Variants in LRRC7 observed in about 807,000 individuals in gnomAD.
The protein encoded by LRRC7 is leucine rich repeat containing 7.
In LRRC7, 23 loss-of-function variants were observed where a neutral mutation model predicts 175.7. That is an observed-to-expected ratio of 0.13 (90% CI 0.09 to 0.19). The LOEUF (loss-of-function observed/expected upper bound fraction) is 0.19, where lower values mean the gene tolerates loss of function less well. Ranked by LOEUF, LRRC7 falls within the 10% of genes least tolerant of loss-of-function variation. The pLI, the probability that LRRC7 is intolerant of heterozygous loss-of-function variation, is 1.00. For missense variants in LRRC7, 1,354 were observed against 1,904.7 expected, an observed-to-expected ratio of 0.71 and a Z score of 5.38; for synonymous variants, 685 against 680.9, an observed-to-expected ratio of 1.01 and a Z score of -0.09.
intron 8 of LRRC7, among the ~76,000 whole-genome samples, chr1:69,972,462 G>A (rs1211196039): frequency 1.3e-5 from 2 of 152,106 alleles, no homozygotes; most frequent in Non-Finnish European, 2.9e-5. Flanking sequence ...CTAAGGACAT[G>A]AATAGACAAT....
chr1:69,935,712 C>T (rs958197786), intron 8 of LRRC7, among the ~76,000 whole-genome samples: 12 of 152,112 alleles, frequency 7.9e-5, no homozygotes, highest in African/African-American at 2.9e-4. Flanking sequence ...ATATATTTCA[C>T]ATACTAATCC....
intron 23 of LRRC7, among the ~76,000 whole-genome samples, chr1:70,067,518 G>A (rs1173189954): frequency 6.6e-6 from 1 of 151,954 alleles, no homozygotes; most frequent in African/African-American, 2.4e-5. Context: ...GTAACACATG[G>A]TCTTTCTTGA....
At chr1:70,005,063 A>G (rs1256597669) in intron 11 of LRRC7, among the ~76,000 whole-genome samples, 1 of 151,930 alleles carries the variant, frequency 6.6e-6, no homozygotes, top group Non-Finnish European at 1.5e-5. Context: ...GTAACAGACC[A>G]CTTTAATGGG....
At chr1:69,575,997 TGA>T in intron 1 of LRRC7, among the ~76,000 whole-genome samples, 1 of 152,066 alleles carries the variant, frequency 6.6e-6, no homozygotes, top group East Asian at 1.9e-4. Context: ...TTTGGGAGGT[TGA>T]GGTGGGGTGA....
chr1:69,774,534 C>T (rs1672601849), intron 3 of LRRC7, among the ~76,000 whole-genome samples: 1 of 152,172 alleles, frequency 6.6e-6, no homozygotes, highest in Admixed American at 6.5e-5. Context: ...ATTTTAGCTA[C>T]TCTTGCCACA....
intron 2 of LRRC7, among the ~76,000 whole-genome samples, chr1:69,744,645 T>C (rs913602188): frequency 1.3e-5 from 2 of 151,834 alleles, no homozygotes; most frequent in Non-Finnish European, 2.9e-5. Flanking sequence ...TGCTAAGGAA[T>C]TATTTGGTGT....
intron 24 of LRRC7, among the ~76,000 whole-genome samples, chr1:70,085,820 ATC>A (rs1663566115): frequency 6.6e-6 from 1 of 152,148 alleles, no homozygotes; most frequent in South Asian, 2.1e-4. Flanking sequence ...TTTGCTATCT[ATC>A]TTCCTCATTA....
At chr1:69,699,119 T>C (rs1263620126) in intron 2 of LRRC7, among the ~76,000 whole-genome samples, 1 of 152,188 alleles carries the variant, frequency 6.6e-6, no homozygotes, top group Non-Finnish European at 1.5e-5. Context: ...AGTGTGGCGA[T>C]GCCCCTTGAG....
chr1:69,823,231 CTA>C (rs1437829278), intron 4 of LRRC7, among the ~76,000 whole-genome samples: 1 of 152,120 alleles, frequency 6.6e-6, no homozygotes, highest in Non-Finnish European at 1.5e-5. Flanking sequence ...TTCGTATTTT[CTA>C]TCTTTTGTGT....
chr1:69,756,370 A>C (rs1670427052), intron 2 of LRRC7, among the ~76,000 whole-genome samples: 1 of 151,920 alleles, frequency 6.6e-6, no homozygotes, highest in Non-Finnish European at 1.5e-5. Flanking sequence ...ATTAAATAAT[A>C]ATAACAAAAA....
At chr1:69,788,404 A>G (rs75526649) in intron 3 of LRRC7, among the ~76,000 whole-genome samples, 4,761 of 152,288 alleles carry the variant, frequency 0.031, 249 homozygotes, top group African/African-American at 0.11. Context: ...TATTTAGTTC[A>G]CCATACTTCT....
At chr1:69,770,554 A>T (rs1194587272) in intron 3 of LRRC7, among the ~76,000 whole-genome samples, 1 of 152,190 alleles carries the variant, frequency 6.6e-6, no homozygotes, top group African/African-American at 2.4e-5. Flanking sequence ...AATCTTTTGA[A>T]ATGAAAAAAC....
chr1:70,129,669 A>G lies in LRRC7; in HGVS notation c.*7782A>G, dbSNP rs1219637442. ...ACTCCGAAATGCAAGGAGTTGAACAATCATTCAGCTGGCTGCATTTCATGT... is the reference window on the plus strand; with the variant it reads ...ACTCCGAAATGCAAGGAGTTGAACAGTCATTCAGCTGGCTGCATTTCATGT... On this transcript the variant is annotated 3_prime_UTR_variant, in exon 27 of 27. Transcript: ENST00000651989. 2.6e-5 allele frequency among the ~76,000 whole-genome samples: 4 copies of G among 152,176 alleles called. No individual in the cohort carries two copies. The highest frequency in any genetic ancestry group is 4.8e-5 in the African/African-American group (2 of 41,430).
intron 25 of LRRC7, among the ~76,000 whole-genome samples, chr1:70,096,818 G>T (rs540601666): frequency 6.6e-6 from 1 of 152,184 alleles, no homozygotes; most frequent in Non-Finnish European, 1.5e-5. Context: ...GTTCCCTGAA[G>T]GTGTTCATTT....
Position 70,143,311 on chromosome 1 carries a change from G to A in LRRC7, c.*21424G>A, listed in dbSNP as rs573759975. On this transcript the variant is annotated 3_prime_UTR_variant, in exon 27 of 27. Transcript: ENST00000651989. ...TTTAGCCAGAGAAAGAACTTGAATT[G>A]GGATCTGATTTCAAAGAAATCCCAT... The A allele has an allele frequency of 6.6e-6, 1 of 151,642 alleles. No individual in the cohort carries two copies. Among genetic ancestry groups the A allele is most frequent in the Admixed American group, 6.6e-5 (1 of 15,224 alleles). The allele number at this position is 151,642 out of a possible 1,614,324, so 9.4% of individuals were successfully genotyped here. A position where few individuals can be genotyped will look rare whatever the true frequency, so the allele number is the denominator to read the frequency against.
intron 17 of LRRC7, among the ~76,000 whole-genome samples, chr1:70,027,837 TAAG>T (rs1457916517): frequency 6.6e-6 from 1 of 152,180 alleles, no homozygotes; most frequent in Non-Finnish European, 1.5e-5. Flanking sequence ...GTGTCTAAAG[TAAG>T]AAAACAGCTG....
Position 69,898,460 on chromosome 1 carries a change from A to G in LRRC7, c.648-33047A>G, listed in dbSNP as rs187040995. On this transcript the variant is annotated intron_variant, in intron 7 of 26. Coordinates refer to ENST00000651989, the MANE Select transcript of LRRC7 (RefSeq NM_001370785.2). The stretch of plus-strand genomic sequence containing the variant: ...AGCTGAAAAGGACTTTAATGGGAGG[A>G]CCTTGAATAAATGCAATAATTGATA... 4.4e-3 allele frequency among the ~76,000 whole-genome samples: 666 copies of G among 152,360 alleles called. 3 individuals carry two copies. The highest frequency in any genetic ancestry group is 7.7e-3 in the Non-Finnish European group (526 of 68,032).
chr1:70,018,885 C>A, intron 15 of LRRC7, 67 bp downstream of exon 15: 4 of 1,233,130 alleles, frequency 3.2e-6, no homozygotes, highest in East Asian at 2.4e-5. Flanking sequence ...TAATTTTATT[C>A]AGATCTCTGG....
chr1:69,596,172 T>C (rs1482184098), intron 1 of LRRC7, among the ~76,000 whole-genome samples: 3 of 152,132 alleles, frequency 2.0e-5, no homozygotes, highest in Non-Finnish European at 4.4e-5. Context: ...ACCAGCGTTA[T>C]TCTAACCAGT....
Sources: allele counts gnomAD v4.1 joint callset (sites outside exome capture counted in the v4.1 genomes callset), GRCh38; gene constraint gnomAD v4.1.1; transcripts MANE v1.5; gene names NCBI Gene and HGNC (gene_info 2026-07-23, HGNC 2026-07-21).